Variants in RFESD observed in about 807,000 individuals in gnomAD.
The protein encoded by RFESD is Rieske domain-containing protein.
Under a neutral mutation model 24.4 loss-of-function variants are expected in RFESD, and 16 were observed. The observed-to-expected ratio is 0.66, with a 90% CI of 0.44 to 1.00. The LOEUF is 1.00. Ranked by LOEUF, RFESD falls within the 50% of genes least tolerant of loss-of-function variation. The pLI is 0.00. For missense variants in RFESD, 208 were observed against 247.0 expected (o/e 0.84, Z 1.06); for synonymous variants, 59 against 81.8 (o/e 0.72, Z 1.50).
intron 3 of RFESD, 31 bp downstream of exon 3, chr5:95,653,245 C>T (rs1238201017): frequency 6.4e-7 from 1 of 1,551,086 alleles, no homozygotes; most frequent in Admixed American, 2.0e-5. Flanking sequence ...CATTCATACC[C>T]ACCTTCTCTT....
At chr5:95,651,172 G>C (rs1487142165) in intron 1 of RFESD, among the ~76,000 whole-genome samples, 2 of 151,844 alleles carry the variant, frequency 1.3e-5, no homozygotes, top group Non-Finnish European at 2.9e-5. Flanking sequence ...GACTTGAGTG[G>C]AATTACAATG....
Position 95,652,275 on chromosome 5 carries a change from T to A in RFESD, c.4T>A (p.Leu2Met). The change falls in exon 2 of 6, where the codon TTG becomes ATG. Residue 2 changes from leucine (L) to methionine (M), a missense_variant. Transcript: ENST00000380005. ...CTCTCTTCCACCTGACCTCTAAATG[T>A]TGAAGTGTTTCAGGAATTGTCTTAG... M[L>M]KCFRNCLRPS... 6.4e-7 allele frequency: 1 copy of A among 1,550,428 alleles called. No individual in the cohort carries two copies. The highest frequency in any genetic ancestry group is 1.2e-5 in the South Asian group (1 of 83,812).
chr5:95,656,302 C>G lies in RFESD; in HGVS notation c.626C>G (p.Ser209Cys), dbSNP rs766682993. Reference protein sequence around the residue: ...ATGDFKVIKSSS With the variant: ...ATGDFKVIKSCS The stretch of plus-strand genomic sequence containing the variant: ...GGAGACTTCAAAGTAATTAAGAGTT[C>G]TTCCTGATAAAAAATATATAGAAAT... The change falls in exon 6 of 6, where the codon TCT becomes TGT. Residue 209 changes from serine to cysteine, a missense_variant. Ser to Cys is a moderately radical substitution (Grantham distance 112, BLOSUM62 -1). Transcript: ENST00000380005. The G allele has an allele frequency of 6.2e-7, 1 of 1,600,722 alleles. No individual in the cohort carries two copies. Among genetic ancestry groups the G allele is most frequent in the Non-Finnish European group, 8.5e-7 (1 of 1,172,970 alleles).
At chr5:95,653,030 A>G (rs114220274) in intron 2 of RFESD, 87 bp from the exon 3 acceptor site, 2 of 1,518,918 alleles carry the variant, frequency 1.3e-6, no homozygotes, top group South Asian at 2.5e-5. Context: ...CCTGTTTACC[A>G]ATCTTGCATA....
Position 95,657,319 on chromosome 5 carries a change from C to T in RFESD, c.*1010C>T, listed in dbSNP as rs566904879. 1.3e-5 allele frequency: 2 copies of T among 151,710 alleles called. No homozygotes were observed. The highest frequency in any genetic ancestry group is 2.4e-5 in the African/African-American group (1 of 41,286). 9.4% of individuals were successfully genotyped at this position (151,710 alleles called of 1,614,324 possible). On this transcript the variant is annotated 3_prime_UTR_variant, in exon 6 of 6. Coordinates refer to ENST00000380005, the MANE Select transcript of RFESD (RefSeq NM_001131066.2). ...CATTCAGTTGCAATGATGGTCATACCGTACCAGTTGTAATGTATTTAAAAT... is the reference window on the plus strand; with the variant it reads ...CATTCAGTTGCAATGATGGTCATACTGTACCAGTTGTAATGTATTTAAAAT...
chr5:95,651,341 A>G (rs1050943683), intron 1 of RFESD, among the ~76,000 whole-genome samples: 1 of 152,178 alleles, frequency 6.6e-6, no homozygotes, highest in African/African-American at 2.4e-5. Flanking sequence ...ATTTTGTTAA[A>G]TATTTGTAGA....
chr5:95,654,999 C>G (rs1750653005), intron 5 of RFESD, among the ~76,000 whole-genome samples: 1 of 152,136 alleles, frequency 6.6e-6, no homozygotes, highest in Non-Finnish European at 1.5e-5. Flanking sequence ...GTCTTTGCTT[C>G]CTTGGATTCC....
chr5:95,654,270 A>G, intron 4 of RFESD, 34 bp downstream of exon 4: 1 of 1,609,162 alleles, frequency 6.2e-7, no homozygotes, highest in Non-Finnish European at 8.5e-7. Context: ...AAAACTTTAA[A>G]CCATGAAACT....
chr5:95,652,509 T>A (rs967651713), intron 2 of RFESD, 178 bp downstream of exon 2: 2 of 789,292 alleles, frequency 2.5e-6, no homozygotes, highest in African/African-American at 3.5e-5. Context: ...TCTGCAAAAA[T>A]ACCATTCATT....
Position 95,654,237 on chromosome 5 carries a change from G to A in RFESD, c.334+1G>A, listed in dbSNP as rs148197241. The A allele has an allele frequency of 3.0e-5, 49 of 1,610,920 alleles. No homozygotes were observed. Among genetic ancestry groups the A allele is most frequent in the African/African-American group, 2.1e-4 (16 of 74,806 alleles). On this transcript the variant is annotated splice_donor_variant, in intron 4 of 5. Transcript: ENST00000380005. LOFTEE classifies it high-confidence loss of function. ...CATGCTATGGATATTCGCTGTTACC[G>A]TAAGATTTTATTTTTCATTTGTAAA...
At chr5:95,651,402 A>C (rs542938106) in intron 1 of RFESD, among the ~76,000 whole-genome samples, 4 of 152,262 alleles carry the variant, frequency 2.6e-5, no homozygotes, top group African/African-American at 7.2e-5. Flanking sequence ...TTTTTTAAAA[A>C]AATATTTTTA....
At position 95,656,062 on chromosome 5, in the gene RFESD, C is replaced by T. The variant is rs149239613; in HGVS notation, c.386C>T (p.Pro129Leu). The change falls in exon 6 of 6, where the codon CCG becomes CTG. Residue 129 changes from proline to leucine, a missense_variant. By Grantham distance (98) the Pro-to-Leu change is moderately conservative (BLOSUM62 -3). Transcript: ENST00000380005. ...CTTCCCCAGGATTTTGATGGACGAC[C>T]GTGTATAGTTTGCCCCTGGCATAAA... ...LGDIEDFDGR[P>L]CIVCPWHKYK... 97 of 1,613,302 alleles carry T rather than the reference C, an allele frequency of 6.0e-5. No homozygotes were observed. Among genetic ancestry groups the T allele is most frequent in the Non-Finnish European group, 7.2e-5 (85 of 1,179,472 alleles).
intron 1 of RFESD, 193 bp downstream of exon 1, chr5:95,647,010 C>T (rs1561383301): frequency 6.6e-6 from 1 of 152,338 alleles, no homozygotes; most frequent in Admixed American, 6.5e-5. Flanking sequence ...AGGAGACTCA[C>T]CGAGCTTGTT....
intron 2 of RFESD, chr5:95,652,611 A>G (rs764883717): frequency 4.2e-5 from 14 of 335,076 alleles, no homozygotes; most frequent in African/African-American, 6.3e-5. Context: ...ATTTTTCTGT[A>G]GCATCTTCAT....
At position 95,652,245 on chromosome 5, in the gene RFESD, A is replaced by G; in HGVS notation, c.-27A>G. 2 of 1,546,084 alleles carry G rather than the reference A, an allele frequency of 1.3e-6. No homozygotes were observed. The highest frequency in any genetic ancestry group is 8.7e-7 in the Non-Finnish European group (1 of 1,143,570). On this transcript the variant is annotated 5_prime_UTR_variant, in exon 2 of 6. Transcript: ENST00000380005. Reference sequence around the variant, plus strand: ...GACACTCTACTGATCTTGCCTCTCTACAACCTCTCTTCCACCTGACCTCTA... The same window carrying G: ...GACACTCTACTGATCTTGCCTCTCTGCAACCTCTCTTCCACCTGACCTCTA...
In RFESD at chr5:95,656,320, A is replaced by G. The variant is rs1365573640; in HGVS notation, c.*11A>G. 6.3e-7 allele frequency: 1 copy of G among 1,587,310 alleles called. No homozygotes were observed. Among genetic ancestry groups the G allele is most frequent in the Non-Finnish European group, 8.6e-7 (1 of 1,163,812 alleles). ...AAGAGTTCTTCCTGATAAAAAATAT[A>G]TAGAAATGAAAAATGTTGTGTATGC... On this transcript the variant is annotated 3_prime_UTR_variant, in exon 6 of 6. Transcript: ENST00000380005.
chr5:95,649,669 A>G (rs1750233712), intron 1 of RFESD, among the ~76,000 whole-genome samples: 1 of 152,158 alleles, frequency 6.6e-6, no homozygotes, highest in South Asian at 2.1e-4. Flanking sequence ...CTTGCTTTGC[A>G]TTTCCTTTGC....
chr5:95,650,828 G>A (rs1275465554), intron 1 of RFESD, among the ~76,000 whole-genome samples: 1 of 152,182 alleles, frequency 6.6e-6, no homozygotes, highest in African/African-American at 2.4e-5. Context: ...GCCGGGCATG[G>A]TGGCTCACGC....
chr5:95,654,033 G>GT (rs1449873344), intron 3 of RFESD, 28 bp from the exon 4 acceptor site: 1 of 1,595,122 alleles, frequency 6.3e-7, no homozygotes, highest in Non-Finnish European at 8.5e-7. Context: ...AATACTTCTT[G>GT]TAACTTTCCT....
Sources: allele counts gnomAD v4.1 joint callset (sites outside exome capture counted in the v4.1 genomes callset), GRCh38; gene constraint gnomAD v4.1.1; transcripts MANE v1.5; gene names NCBI Gene and HGNC (gene_info 2026-07-23, HGNC 2026-07-21).